PSG6: variants seen among roughly 807,000 people sequenced by gnomAD.
PSG6 encodes pregnancy-specific beta-1-glycoprotein 6.
A neutral mutation model predicts 43.3 loss-of-function variants in PSG6; 51 were observed. The ratio of observed to expected loss-of-function variants is 1.18; its 90% CI spans 0.94 to 1.49. The LOEUF (loss-of-function observed/expected upper bound fraction) is 1.49, where lower values mean the gene tolerates loss of function less well. Among genes scored for constraint, PSG6 ranks in the 40% most tolerant of loss-of-function variants. The pLI is 0.00. For missense variants in PSG6, 770 were observed against 522.2 expected, an observed-to-expected ratio of 1.47 and a Z score of -4.62; for synonymous variants, 292 against 197.6, an observed-to-expected ratio of 1.48 and a Z score of -4.01.
intron 5 of PSG6, among the ~76,000 whole-genome samples, chr19:42,905,220 G>T (rs1404117966): frequency 1.3e-5 from 2 of 151,730 alleles, no homozygotes; most frequent in East Asian, 1.9e-4. Flanking sequence ...ATGATTTCTT[G>T]GTTGTAACAA....
At chr19:42,911,418 T>A (rs1458508473) in intron 2 of PSG6, among the ~76,000 whole-genome samples, 1 of 151,380 alleles carries the variant, frequency 6.6e-6, no homozygotes, top group African/African-American at 2.4e-5. Context: ...GTCAGTTCAG[T>A]CATCAGGCAG....
chr19:42,915,115 T>A (rs1275912427), intron 2 of PSG6, among the ~76,000 whole-genome samples: 3 of 151,614 alleles, frequency 2.0e-5, no homozygotes, highest in African/African-American at 2.4e-5. Context: ...GAGGAGAGGA[T>A]GGGCCTGTGG....
intron 5 of PSG6, chr19:42,903,647 T>C: frequency 6.6e-7 from 1 of 1,518,792 alleles, no homozygotes; most frequent in Non-Finnish European, 8.8e-7. Context: ...CCTAGCACTT[T>C]GGGAGGTCAC....
At chr19:42,906,658 C>G (rs1469620620) in intron 5 of PSG6, 5 of 1,408,560 alleles carry the variant, frequency 3.5e-6, no homozygotes, top group African/African-American at 2.9e-5. Context: ...TCTGTGAAGC[C>G]TCTTCTACCA....
chr19:42,914,263 C>A (rs572179131), intron 2 of PSG6, among the ~76,000 whole-genome samples: 23 of 151,478 alleles, frequency 1.5e-4, no homozygotes, highest in African/African-American at 5.1e-4. Context: ...GATTTCTGCA[C>A]CTTTCCTATT....
At position 42,913,222 on chromosome 19, in the gene PSG6, C is replaced by T. The variant is rs143383045; in HGVS notation, c.428-2364G>A. 4.4e-3 allele frequency among the ~76,000 whole-genome samples: 671 copies of T among 151,650 alleles called. 11 individuals carry two copies. The highest frequency in any genetic ancestry group is 0.016 in the African/African-American group (645 of 41,352). ...CCCAGCTGCAGTGGCATGATCTCAG[C>T]TCACTGCAAGCTCCACCTCCTGGGT... On this transcript the variant is annotated intron_variant, in intron 2 of 5. Transcript: ENST00000187910.
intron 2 of PSG6, chr19:42,915,741 G>A: frequency 2.9e-6 from 1 of 340,532 alleles, no homozygotes. Flanking sequence ...CTGGGATTGA[G>A]GCTTCCAGAG....
rs189191649 is a variant in PSG6, at chr19:42,911,262, T to C, written c.428-404A>G. 1.6e-4 allele frequency among the ~76,000 whole-genome samples: 24 copies of C among 151,658 alleles called. 1 individual carries two copies. The highest frequency in any genetic ancestry group is 5.6e-4 in the African/African-American group (23 of 41,382). ...ACTTTGCCCCCTGAGGTATGTTTTC[T>C]CATCAGCTTCCCTTGCCAAGGACAT... is the stretch of plus-strand genomic sequence containing the variant. On this transcript the variant is annotated intron_variant, in intron 2 of 5. Coordinates refer to ENST00000187910, the MANE Select transcript of PSG6 (RefSeq NM_001031850.4).
chr19:42,908,340 G>T (rs927970845), intron 3 of PSG6, among the ~76,000 whole-genome samples: 2 of 151,782 alleles, frequency 1.3e-5, no homozygotes, highest in Non-Finnish European at 2.9e-5. Context: ...ATACTGAGCA[G>T]CCTGGCCTGG....
intron 2 of PSG6, among the ~76,000 whole-genome samples, chr19:42,914,541 GC>G (rs1211579930): frequency 1.3e-5 from 2 of 148,264 alleles, no homozygotes; most frequent in Non-Finnish European, 3.0e-5. Context: ...GGACCAAAGA[GC>G]CCTGAGAACC....
At position 42,917,780 on chromosome 19, in the gene PSG6, A is replaced by T; in HGVS notation, c.13T>A (p.Ser5Thr). ...ATGTGCTGAGTGCAGGGAGGGGCTG[A>T]GAGGGGTCCCATGGTCTCTGCTGTC... Reference protein sequence around the residue: MGPLSAPPCTQHITW... With the variant: MGPLTAPPCTQHITW... Residue 5 changes from serine to threonine, a missense_variant, in exon 1 of 6, where the codon TCA becomes ACA. Coordinates refer to ENST00000187910, the MANE Select transcript of PSG6 (RefSeq NM_001031850.4). The T allele has an allele frequency of 6.2e-7, 1 of 1,609,884 alleles. No homozygotes were observed.
At position 42,916,372 on chromosome 19, in the gene PSG6, C is replaced by G. The variant is rs778847615; in HGVS notation, c.180G>C (p.Gln60His). ...DVLLLVHNLP[Q>H]NLTGYIWYKG... ...TGTACCAGATGTAGCCAGTAAGATT[C>G]TGGGGCAAATTGTGGACAAGTAGAA... The change falls in exon 2 of 6, where the codon CAG becomes CAC. Residue 60 changes from glutamine (Q) to histidine (H), a missense_variant. Gln to His is a conservative substitution (Grantham distance 24, BLOSUM62 0). Transcript: ENST00000187910. 2 of 1,612,166 alleles carry G rather than the reference C, an allele frequency of 1.2e-6. No homozygotes were observed. Among genetic ancestry groups the G allele is most frequent in the African/African-American group, 1.3e-5 (1 of 74,788 alleles).
Position 42,902,450 on chromosome 19 carries a change from A to G in PSG6, c.1241-4T>C, listed in dbSNP as rs1319813182. ...GTCTGGTTTCCATGGCAGGGACCTG[A>G]TTGACAGAAGGCCCAGGTCAGCGCA... On this transcript the variant is annotated splice_region_variant and splice_polypyrimidine_tract_variant and intron_variant, in intron 5 of 5. Coordinates refer to ENST00000187910, the MANE Select transcript of PSG6 (RefSeq NM_001031850.4). 6.2e-7 allele frequency: 1 copy of G among 1,610,756 alleles called. No individual in the cohort carries two copies. The highest frequency in any genetic ancestry group is 1.3e-5 in the African/African-American group (1 of 74,640).
intron 4 of PSG6, 94 bp from the exon 5 acceptor site, chr19:42,907,270 GAC>G (rs1394704867): frequency 1.3e-6 from 2 of 1,530,144 alleles, no homozygotes; most frequent in African/African-American, 1.4e-5. Flanking sequence ...TCTGAACCAA[GAC>G]ACAACCTCAA....
chr19:42,916,338 T>C lies in PSG6; in HGVS notation c.214A>G (p.Met72Val). 1 of 1,612,122 alleles carries C rather than the reference T, an allele frequency of 6.2e-7. No homozygotes were observed. Among genetic ancestry groups the C allele is most frequent in the Non-Finnish European group, 8.5e-7 (1 of 1,179,136 alleles). The part of the protein sequence containing the change: ...LTGYIWYKGQ[M>V]TDLYHYITSY... Reference sequence around the variant, plus strand: ...GTAATGTAATGGTAGAGGTCCGTCATTTGCCCTTTGTACCAGATGTAGCCA... The same window carrying C: ...GTAATGTAATGGTAGAGGTCCGTCACTTGCCCTTTGTACCAGATGTAGCCA... Residue 72 changes from methionine (M) to valine (V), a missense_variant, in exon 2 of 6, where the codon ATG (methionine) becomes GTG (valine). Physicochemically the swap from Met to Val is conservative, Grantham distance 21. Coordinates refer to ENST00000187910, the MANE Select transcript of PSG6 (RefSeq NM_001031850.4).
chr19:42,916,129 T>C lies in PSG6; in HGVS notation c.423A>G (p.Leu141=). 1 of 1,611,126 alleles carries C rather than the reference T, an allele frequency of 6.2e-7. No individual in the cohort carries two copies. Among genetic ancestry groups the C allele is most frequent in the Non-Finnish European group, 8.5e-7 (1 of 1,178,640 alleles). The change falls in exon 2 of 6, where the codon TTA becomes TTG. Residue 141 remains leucine, a synonymous_variant. Coordinates refer to ENST00000187910, the MANE Select transcript of PSG6 (RefSeq NM_001031850.4). Reference sequence around the variant, plus strand: ...GGATCATGCGGAATCACTCACAGTATAAGGTGACAGTGAAATATCCAGTTA... The same window carrying C: ...GGATCATGCGGAATCACTCACAGTACAAGGTGACAGTGAAATATCCAGTTA... ...GGVTGYFTVT[L]YSETPKPSIS...
intron 3 of PSG6, among the ~76,000 whole-genome samples, chr19:42,909,172 A>G (rs1972173229): frequency 6.6e-6 from 1 of 151,692 alleles, no homozygotes; most frequent in African/African-American, 2.4e-5. Flanking sequence ...TAGTAGGCAA[A>G]AGTGGGAGGT....
At chr19:42,908,933 A>C (rs536110869) in intron 3 of PSG6, among the ~76,000 whole-genome samples, 1 of 151,736 alleles carries the variant, frequency 6.6e-6, no homozygotes, top group African/African-American at 2.4e-5. Context: ...ATGGGTGTGC[A>C]GTTTCAGTTA....
Position 42,907,473 on chromosome 19 carries a change from A to G in PSG6, c.985+103T>C, listed in dbSNP as rs1488404605. 22 of 1,561,054 alleles carry G rather than the reference A, an allele frequency of 1.4e-5. No individual in the cohort carries two copies. In the South Asian group the frequency reaches 1.7e-4, roughly 12 times the overall value. On this transcript the variant is annotated intron_variant, in intron 4 of 5. Coordinates refer to ENST00000187910, the MANE Select transcript of PSG6 (RefSeq NM_001031850.4). ...ATGGCCAGGTCTGATGTCCAGAAGT[A>G]AAGTTGTCTATACTTGGACCGGAGA... is the stretch of plus-strand genomic sequence containing the variant.
Sources: gnomAD v4.1 joint callset for allele counts (sites outside exome capture counted in the v4.1 genomes callset) on GRCh38, gnomAD v4.1.1 for gene constraint, MANE v1.5 for transcripts, NCBI Gene and HGNC (gene_info 2026-07-23, HGNC 2026-07-21) for gene names.